The following RMDN1 variants were observed in gnomAD, a reference collection of about 807,000 sequenced individuals.
The protein encoded by RMDN1 is regulator of microtubule dynamics protein 1.
Under a neutral mutation model 48.9 loss-of-function variants are expected in RMDN1, and 48 were observed. That is an observed-to-expected ratio of 0.98 (90% CI 0.78 to 1.25). The LOEUF is 1.25. Ranked by LOEUF, RMDN1 falls within the 50% of genes most tolerant of loss-of-function variation. The pLI is 0.00. For synonymous variants in RMDN1, 148 were observed against 132.6 expected, an observed-to-expected ratio of 1.12 and a Z score of -0.80; for missense variants, 418 against 373.4, an observed-to-expected ratio of 1.12 and a Z score of -0.98.
intron 6 of RMDN1, 39 bp from the exon 7 acceptor site, chr8:86,479,049 A>T: frequency 7.0e-7 from 1 of 1,426,254 alleles, no homozygotes; most frequent in Middle Eastern, 1.8e-4. Flanking sequence ...TTCAAATTGT[A>T]CCTTCTTTTC....
At chr8:86,507,784 C>G (rs2131363322) in intron 1 of RMDN1, among the ~76,000 whole-genome samples, 1 of 152,238 alleles carries the variant, frequency 6.6e-6, no homozygotes, top group East Asian at 1.9e-4. Context: ...GGGAATATGC[C>G]AAATTTTAAC....
Position 86,488,652 on chromosome 8 carries a change from T to C in RMDN1, c.248-13A>G, listed in dbSNP as rs112070246. 9 of 1,587,416 alleles carry C rather than the reference T, an allele frequency of 5.7e-6. No individual in the cohort carries two copies. In the African/African-American group the frequency reaches 8.1e-5, roughly 14 times the overall value. On this transcript the variant is annotated splice_polypyrimidine_tract_variant and intron_variant, in intron 2 of 9. Transcript: ENST00000406452. ...AGTATTTCTTCAACTTCAAAGATTA[T>C]AAAGGAAAAAAGACACAATAAAATA... is the stretch of plus-strand genomic sequence containing the variant.
At chr8:86,507,904 T>G (rs902193064) in intron 1 of RMDN1, among the ~76,000 whole-genome samples, 1 of 152,240 alleles carries the variant, frequency 6.6e-6, no homozygotes, top group African/African-American at 2.4e-5. Flanking sequence ...ATATATCATA[T>G]GCATTAATGC....
chr8:86,475,619 A>G (rs1181417015), intron 8 of RMDN1, among the ~76,000 whole-genome samples: 1 of 152,172 alleles, frequency 6.6e-6, no homozygotes, highest in East Asian at 1.9e-4. Context: ...CATAAACAGA[A>G]AGCCTATGAA....
intron 2 of RMDN1, among the ~76,000 whole-genome samples, chr8:86,488,930 G>A (rs951420649): frequency 3.3e-5 from 5 of 152,100 alleles, no homozygotes; most frequent in East Asian, 1.9e-4. Context: ...TAACACTAAC[G>A]ATAGCTGATG....
At position 86,499,519 on chromosome 8, in the gene RMDN1, A is replaced by C. The variant is rs895054369; in HGVS notation, c.247+7476T>G. 6.6e-5 allele frequency among the ~76,000 whole-genome samples: 10 copies of C among 152,038 alleles called. No homozygotes were observed. The South Asian group carries it at 2.1e-3, about 31-fold the overall frequency. ...GGAATACAGTTAGATGTTTTACCAC[A>C]ATGAAAAGGAAATCAGAGATGACAG... is the stretch of plus-strand genomic sequence containing the variant. On this transcript the variant is annotated intron_variant, in intron 2 of 9. Transcript: ENST00000406452.
chr8:86,468,284 T>C (rs1319130418), downstream of RMDN1: 3 of 402,292 alleles, frequency 7.5e-6, no homozygotes, highest in Admixed American at 3.5e-5. Context: ...TTGCCAAAAT[T>C]TTATTTTTCT....
downstream of RMDN1, among the ~76,000 whole-genome samples, chr8:86,471,432 A>T (rs1369155087): frequency 6.6e-6 from 1 of 152,146 alleles, no homozygotes; most frequent in Non-Finnish European, 1.5e-5. Context: ...AATGAGAAAA[A>T]GGAGAGTAAA....
rs559377923 is a variant in RMDN1, at chr8:86,486,535, C to T, written c.444G>A (p.Glu148=). 1 of 1,611,792 alleles carries T rather than the reference C, an allele frequency of 6.2e-7. No individual in the cohort carries two copies. The highest frequency in any genetic ancestry group is 8.5e-7 in the Non-Finnish European group (1 of 1,178,494). ...TTTTTTCTAGTGCTCTTTTTGCATA[C>T]TCTAGGGCTTCATACACCAATAGCT... The part of the protein sequence containing the change: ...EKKLLVYEAL[E]YAKRALEKNE... The change falls in exon 4 of 10, where the codon GAG becomes GAA. Residue 148 remains glutamate, a synonymous_variant. Transcript: ENST00000406452.
Position 86,473,989 on chromosome 8 carries a change from C to T in RMDN1, c.*319G>A. On this transcript the variant is annotated 3_prime_UTR_variant, in exon 10 of 10. Transcript: ENST00000406452. ...CCCCTATAGATCCATTTCCCCTCCT[C>T]TACAAATATTTCTTTGCTTGATCTC... is the stretch of plus-strand genomic sequence containing the variant. 9.3e-7 allele frequency: 1 copy of T among 1,074,744 alleles called. No individual in the cohort carries two copies. Among genetic ancestry groups the T allele is most frequent in the Non-Finnish European group, 1.1e-6 (1 of 886,470 alleles). 66.6% of individuals were successfully genotyped at this position (1,074,744 alleles called of 1,614,324 possible).
At chr8:86,509,155 AG>A (rs1260790443), upstream of RMDN1, among the ~76,000 whole-genome samples, 6 of 152,094 alleles carry the variant, frequency 3.9e-5, no homozygotes, top group Non-Finnish European at 8.8e-5. Flanking sequence ...GAGCGACTCA[AG>A]GGGGTAGATT....
In RMDN1 at chr8:86,489,829, C is replaced by CAA. The variant is rs1237646168; in HGVS notation, c.248-1192_248-1191dup. On this transcript the variant is annotated intron_variant, in intron 2 of 9. Transcript: ENST00000406452. ...TGGGCGATACAGCAAGACTCTGTCT[C>CAA]AAAAAAAAAAAGGGGGGGGATGGGG... Among the ~76,000 whole-genome samples the CAA allele has an allele frequency of 6.7e-5, 4 of 59,554 alleles. No homozygotes were observed. The East Asian group carries it at 2.1e-3, about 31-fold the overall frequency. 39.1% of individuals were successfully genotyped at this position (59,554 alleles called of 152,430 possible).
chr8:86,480,431 A>T lies in RMDN1; in HGVS notation c.586-99T>A, dbSNP rs573232113. 43 of 596,362 alleles carry T rather than the reference A, an allele frequency of 7.2e-5. No homozygotes were observed. The African/African-American group carries it at 7.5e-4, about 10-fold the overall frequency. 36.9% of individuals were successfully genotyped at this position (596,362 alleles called of 1,614,324 possible). Reference sequence around the variant, plus strand: ...GAAGCCATGATTTTTTAAAAAATGCAACTGTGTGTTTCAGTTCTCCCATTA... The same window carrying T: ...GAAGCCATGATTTTTTAAAAAATGCTACTGTGTGTTTCAGTTCTCCCATTA... On this transcript the variant is annotated intron_variant, in intron 5 of 9. Transcript: ENST00000406452.
intron 3 of RMDN1, among the ~76,000 whole-genome samples, chr8:86,487,366 G>A (rs1329890882): frequency 1.3e-5 from 2 of 152,178 alleles, no homozygotes; most frequent in African/African-American, 2.4e-5. Context: ...GACTTTGGGA[G>A]GCCAAGGCGG....
intron 7 of RMDN1, chr8:86,478,683 C>T: frequency 2.2e-6 from 1 of 462,916 alleles, no homozygotes; most frequent in East Asian, 3.9e-5. Flanking sequence ...AGATTTTAGC[C>T]ACGAGCCATT....
chr8:86,510,691 T>C (rs1165609450), upstream of RMDN1, among the ~76,000 whole-genome samples: 1 of 152,222 alleles, frequency 6.6e-6, no homozygotes, highest in South Asian at 2.1e-4. Flanking sequence ...TGACAGATAA[T>C]AAATGATTGT....
chr8:86,482,745 G>A (rs4961194), intron 5 of RMDN1: 27 of 982,250 alleles, frequency 2.7e-5, no homozygotes, highest in Non-Finnish European at 4.0e-5. Context: ...AGCAGGTGGC[G>A]CCATAACCTG....
At chr8:86,475,359 G>A (rs965883324) in intron 8 of RMDN1, among the ~76,000 whole-genome samples, 3 of 151,926 alleles carry the variant, frequency 2.0e-5, no homozygotes, top group South Asian at 4.2e-4. Flanking sequence ...AGTGTACATC[G>A]GCTGAATAAG....
At position 86,507,005 on chromosome 8, in the gene RMDN1, G is replaced by A. The variant is rs1295188429; in HGVS notation, c.237C>T (p.Ala79=). 6.3e-7 allele frequency: 1 copy of A among 1,589,810 alleles called. No individual in the cohort carries two copies. Among genetic ancestry groups the A allele is most frequent in the Non-Finnish European group, 8.6e-7 (1 of 1,158,260 alleles). The stretch of plus-strand genomic sequence containing the variant: ...CTAATTTATGCTTACCTTTGGCTGT[G>A]GCATGAACCACAGCAGCCTGAGAGA... ...QVISQAAVVH[A]TAKVEEILEQ... is the part of the protein sequence containing the mutation. The change falls in exon 2 of 10, where the codon GCC becomes GCT. Residue 79 remains alanine (A), a synonymous_variant. Transcript: ENST00000406452.
Sources: allele counts gnomAD v4.1 joint callset (sites outside exome capture counted in the v4.1 genomes callset), GRCh38; gene constraint gnomAD v4.1.1; transcripts MANE v1.5; gene names NCBI Gene and HGNC (gene_info 2026-07-23, HGNC 2026-07-21).